Variants in LSAMP observed in about 807,000 individuals in gnomAD.
LSAMP encodes the protein limbic system associated membrane protein.
Under a neutral mutation model 38.6 loss-of-function variants are expected in LSAMP, and 7 were observed. That is an observed-to-expected ratio of 0.18 (90% confidence interval 0.10 to 0.34). The LOEUF is 0.34. Ranked by LOEUF, LSAMP falls within the 10% of genes least tolerant of loss-of-function variation. The probability of loss-of-function intolerance (pLI) is 1.00; values close to 1 mark genes in which losing one functional copy is unlikely to be tolerated. For missense variants in LSAMP, 313 were observed against 420.0 expected (o/e 0.75, Z 2.23); for synonymous variants, 154 against 166.8 (o/e 0.92, Z 0.59).
At chr3:116,139,247 A>G (rs958064358) in intron 1 of LSAMP, among the ~76,000 whole-genome samples, 1 of 151,934 alleles carries the variant, frequency 6.6e-6, no homozygotes, top group South Asian at 2.1e-4. Flanking sequence ...ATTCTGCACC[A>G]TGGAAAGCAT....
chr3:116,106,378 G>C (rs1219766116), intron 1 of LSAMP, among the ~76,000 whole-genome samples: 1 of 152,064 alleles, frequency 6.6e-6, no homozygotes, highest in Non-Finnish European at 1.5e-5. Flanking sequence ...TTTTTTGGGG[G>C]TACAGTCTAA....
At chr3:115,982,010 T>G (rs1376861742) in intron 3 of LSAMP, among the ~76,000 whole-genome samples, 3 of 152,212 alleles carry the variant, frequency 2.0e-5, no homozygotes, top group Non-Finnish European at 4.4e-5. Flanking sequence ...CTTAATCTCT[T>G]GTATGCTTCT....
chr3:116,070,998 C>T (rs773166922), intron 2 of LSAMP, among the ~76,000 whole-genome samples: 3 of 151,564 alleles, frequency 2.0e-5, no homozygotes, highest in Non-Finnish European at 2.9e-5. Flanking sequence ...CGAGATTGCA[C>T]CATTGCACTC....
At chr3:116,212,246 C>T (rs1451568070) in intron 1 of LSAMP, among the ~76,000 whole-genome samples, 2 of 152,146 alleles carry the variant, frequency 1.3e-5, no homozygotes, top group Non-Finnish European at 2.9e-5. Context: ...GCGCAAAGTT[C>T]AGTTCTAGGT....
intron 4 of LSAMP, among the ~76,000 whole-genome samples, chr3:115,847,075 C>G (rs1265876063): frequency 6.6e-6 from 1 of 152,116 alleles, no homozygotes; most frequent in Non-Finnish European, 1.5e-5. Flanking sequence ...AGTGATTGCA[C>G]ATATTATTTT....
chr3:116,414,072 A>G (rs2049016456), intron 1 of LSAMP, among the ~76,000 whole-genome samples: 1 of 152,072 alleles, frequency 6.6e-6, no homozygotes, highest in South Asian at 2.1e-4. Flanking sequence ...AATGGACATT[A>G]TTTGTTTTAA....
At chr3:116,209,443 A>G (rs2046122536) in intron 1 of LSAMP, among the ~76,000 whole-genome samples, 1 of 152,228 alleles carries the variant, frequency 6.6e-6, no homozygotes, top group Non-Finnish European at 1.5e-5. Flanking sequence ...CTATATTTTT[A>G]GAAGTTTGTG....
chr3:115,870,347 G>T (rs1211231672), intron 3 of LSAMP, among the ~76,000 whole-genome samples: 1 of 152,114 alleles, frequency 6.6e-6, no homozygotes, highest in Non-Finnish European at 1.5e-5. Flanking sequence ...GGGGAATATA[G>T]TAGATGAGAA....
At chr3:116,404,679 A>ACC (rs1007591680) in intron 1 of LSAMP, among the ~76,000 whole-genome samples, 5 of 152,190 alleles carry the variant, frequency 3.3e-5, no homozygotes, top group Non-Finnish European at 5.9e-5. Flanking sequence ...AATTTAATTT[A>ACC]ATAAAACAGA....
intron 1 of LSAMP, among the ~76,000 whole-genome samples, chr3:116,399,002 A>C (rs59538449): frequency 0.027 from 4,167 of 152,290 alleles, 192 homozygotes; most frequent in African/African-American, 0.092. Flanking sequence ...GAAAGATTGG[A>C]AGAACTGTGA....
intron 2 of LSAMP, among the ~76,000 whole-genome samples, chr3:116,024,577 G>A (rs745849979): frequency 1.1e-4 from 16 of 152,094 alleles, no homozygotes; most frequent in East Asian, 1.9e-4. Flanking sequence ...GAGTTTTAAC[G>A]TCTTTGTTTC....
At chr3:115,811,771 C>T (rs115083182) in intron 6 of LSAMP, among the ~76,000 whole-genome samples, 29 of 152,186 alleles carry the variant, frequency 1.9e-4, no homozygotes, top group East Asian at 3.9e-4. Flanking sequence ...AAACCACAAA[C>T]GATTATACAG....
At chr3:115,895,196 CTTGTTA>C (rs1188115759) in intron 3 of LSAMP, among the ~76,000 whole-genome samples, 2 of 152,040 alleles carry the variant, frequency 1.3e-5, no homozygotes, top group Non-Finnish European at 2.9e-5. Flanking sequence ...AGTCACAGCT[CTTGTTA>C]TCAGAGCAGT....
At chr3:116,256,994 C>T (rs72947953) in intron 1 of LSAMP, among the ~76,000 whole-genome samples, 11,016 of 152,258 alleles carry the variant, frequency 0.072, 1,306 homozygotes, top group African/African-American at 0.25. Flanking sequence ...CGACTATCTG[C>T]TTCCAAACCC....
rs903838175 is a variant in LSAMP at position 115,807,628 on chromosome 3, CAACTT to C, written c.*2684_*2688del. ...CTAACATCCAACTTCTAACAACATC[CAACTT>C]AACTCCTACTTTTCTCTTCCTGTAT... On this transcript the variant is annotated 3_prime_UTR_variant, in exon 7 of 7. Coordinates refer to ENST00000490035, the MANE Select transcript of LSAMP (RefSeq NM_002338.5). 2.6e-5 allele frequency: 4 copies of C among 152,168 alleles called. No homozygotes were observed. Among genetic ancestry groups the C allele is most frequent in the Non-Finnish European group, 5.9e-5 (4 of 68,030 alleles). The allele number at this position is 152,168 out of a possible 1,614,324, so 9.4% of individuals were successfully genotyped here.
chr3:116,326,309 T>C (rs1338045163), intron 1 of LSAMP, among the ~76,000 whole-genome samples: 8 of 152,274 alleles, frequency 5.3e-5, no homozygotes, highest in African/African-American at 1.7e-4. Flanking sequence ...AGAATTAATA[T>C]AAAAATAACA....
intron 3 of LSAMP, among the ~76,000 whole-genome samples, chr3:115,949,126 G>A (rs1938200203): frequency 6.6e-6 from 1 of 152,194 alleles, no homozygotes; most frequent in Non-Finnish European, 1.5e-5. Context: ...AGGCATGGTG[G>A]TGCATGCCTG....
intron 3 of LSAMP, among the ~76,000 whole-genome samples, chr3:116,015,231 A>C (rs1940442534): frequency 6.6e-6 from 1 of 152,166 alleles, no homozygotes; most frequent in East Asian, 1.9e-4. Flanking sequence ...AGTGATAGAA[A>C]ACTACGGAGG....
chr3:116,234,558 A>C (rs1332060971), intron 1 of LSAMP, among the ~76,000 whole-genome samples: 2 of 152,162 alleles, frequency 1.3e-5, no homozygotes, highest in African/African-American at 4.8e-5. Flanking sequence ...TTTAAAATTC[A>C]ACAATAAAAT....
Sources: gnomAD v4.1 joint callset for allele counts (sites outside exome capture counted in the v4.1 genomes callset) on GRCh38, gnomAD v4.1.1 for gene constraint, MANE v1.5 for transcripts, NCBI Gene and HGNC (gene_info 2026-07-23, HGNC 2026-07-21) for gene names.